GCNT2: variants seen among roughly 807,000 people sequenced by gnomAD.
GCNT2 encodes N-acetyllactosaminide beta-1,6-N-acetylglucosaminyl-transferase.
In GCNT2, 34 loss-of-function variants were observed where a neutral mutation model predicts 34.2. The observed-to-expected ratio is 1.00, with a 90% confidence interval of 0.76 to 1.32. The LOEUF (loss-of-function observed/expected upper bound fraction) is 1.32, where lower values mean the gene tolerates loss of function less well. Among genes scored for constraint, GCNT2 ranks in the 40% most tolerant of loss-of-function variants. The pLI, the probability that GCNT2 is intolerant of heterozygous loss-of-function variation, is 0.00. For missense variants in GCNT2, 584 were observed against 489.4 expected (o/e 1.19, Z -1.82); for synonymous variants, 212 against 188.0 (o/e 1.13, Z -1.04).
chr6:10,523,963 ACT>A (rs1419383857), intron 1 of GCNT2, among the ~76,000 whole-genome samples: 72 of 111,562 alleles, frequency 6.5e-4, no homozygotes, highest in Middle Eastern at 6.3e-3. Flanking sequence ...ACAGAGCGAG[ACT>A]CTGTCTCAAA....
chr6:10,557,051 G>A, intron 3 of GCNT2: 1 of 1,611,038 alleles, frequency 6.2e-7, no homozygotes, highest in Non-Finnish European at 8.5e-7. Flanking sequence ...AGGATTTAAA[G>A]GTAAAAATAT....
chr6:10,616,391 A>T (rs1013139581), intron 3 of GCNT2, among the ~76,000 whole-genome samples: 1 of 152,206 alleles, frequency 6.6e-6, no homozygotes, highest in Non-Finnish European at 1.5e-5. Flanking sequence ...CAACCTAAAC[A>T]GGGTACCGCT....
chr6:10,576,051 A>G (rs113308241), intron 3 of GCNT2, among the ~76,000 whole-genome samples: 70 of 152,288 alleles, frequency 4.6e-4, no homozygotes, highest in Non-Finnish European at 8.5e-4. Flanking sequence ...ACGGACGTGC[A>G]TGAAAACGGG....
At chr6:10,542,384 A>G (rs1049134279) in intron 3 of GCNT2, among the ~76,000 whole-genome samples, 2 of 150,552 alleles carry the variant, frequency 1.3e-5, no homozygotes, top group African/African-American at 5.0e-5. Context: ...TTTATGACAT[A>G]TAATTTACAT....
rs1397865024 is a variant in GCNT2 at position 10,604,878 on chromosome 6, AG to A, written c.926-16472del. ...TGTCTCAAAAAAAAGAAAAAGAAAAAGAAAGAAAAATGTATTATCTTTATAA... is the reference window on the plus strand; with the variant it reads ...TGTCTCAAAAAAAAGAAAAAGAAAAAAAAGAAAAATGTATTATCTTTATAA... On this transcript the variant is annotated intron_variant, in intron 3 of 4. Transcript: ENST00000495262. 3.8e-4 allele frequency among the ~76,000 whole-genome samples: 19 copies of A among 50,308 alleles called. No individual in the cohort carries two copies. In the East Asian group the frequency reaches 0.012, roughly 31 times the overall value. 33.0% of individuals were successfully genotyped at this position (50,308 alleles called of 152,430 possible). A position where few individuals can be genotyped will look rare whatever the true frequency, so the allele number is the denominator to read the frequency against.
rs150893543 is a variant in GCNT2 at position 10,526,519 on chromosome 6, A to G, written c.-468-955A>G. On this transcript the variant is annotated intron_variant, in intron 1 of 4. Coordinates refer to ENST00000495262, the MANE Select transcript of GCNT2 (RefSeq NM_145649.5). ...ACCAAGAAGCACTATGGAAAATGTTATTGTATAATAGTAAGTGCAGAATGC... is the reference window on the plus strand; with the variant it reads ...ACCAAGAAGCACTATGGAAAATGTTGTTGTATAATAGTAAGTGCAGAATGC... 2.6e-5 allele frequency among the ~76,000 whole-genome samples: 4 copies of G among 152,316 alleles called. No individual in the cohort carries two copies. The East Asian group carries it at 5.8e-4, about 22-fold the overall frequency.
intron 3 of GCNT2, among the ~76,000 whole-genome samples, chr6:10,598,239 A>G (rs993822211): frequency 4.6e-5 from 7 of 152,220 alleles, no homozygotes; most frequent in Non-Finnish European, 7.3e-5. Flanking sequence ...GTATCTTAAC[A>G]TGGGCTTCCG....
chr6:10,588,610 C>G (rs1764455742), intron 3 of GCNT2, among the ~76,000 whole-genome samples: 1 of 152,068 alleles, frequency 6.6e-6, no homozygotes, highest in Admixed American at 6.6e-5. Context: ...CCTGCAGAAT[C>G]CCGAAAAAGG....
chr6:10,564,642 T>G lies in GCNT2; in HGVS notation c.925+34806T>G, dbSNP rs551032586. On this transcript the variant is annotated intron_variant, in intron 3 of 4. Coordinates refer to ENST00000495262, the MANE Select transcript of GCNT2 (RefSeq NM_145649.5). ...GAATGTGAATCCCGGCTCTGTCACT[T>G]AGAAGTTGTGTGACCTCGGACAAAG... Among the ~76,000 whole-genome samples, 192 of 152,340 alleles carry G rather than the reference T, an allele frequency of 1.3e-3. 1 individual carries two copies. Among genetic ancestry groups the G allele is most frequent in the South Asian group, 6.6e-3 (32 of 4,832 alleles).
At chr6:10,538,982 G>T (rs1040549985) in intron 3 of GCNT2, among the ~76,000 whole-genome samples, 13 of 152,028 alleles carry the variant, frequency 8.6e-5, no homozygotes, top group African/African-American at 2.2e-4. Flanking sequence ...AAAAATAAGG[G>T]TTGGGCCCAG....
At chr6:10,587,552 A>T (rs1764411159) in intron 3 of GCNT2, among the ~76,000 whole-genome samples, 1 of 152,218 alleles carries the variant, frequency 6.6e-6, no homozygotes, top group Admixed American at 6.5e-5. Flanking sequence ...GCTACAGATG[A>T]TCCAAAGAGA....
At chr6:10,617,025 T>G (rs1274809725) in intron 3 of GCNT2, among the ~76,000 whole-genome samples, 2 of 152,206 alleles carry the variant, frequency 1.3e-5, no homozygotes, top group East Asian at 3.9e-4. Flanking sequence ...GGGCCGCAGG[T>G]GGAGCTGCCT....
chr6:10,569,821 A>ATTTC (rs1763459909), intron 3 of GCNT2, among the ~76,000 whole-genome samples: 1 of 112,332 alleles, frequency 8.9e-6, no homozygotes, highest in African/African-American at 3.3e-5. Flanking sequence ...GCTCATATGG[A>ATTTC]TTTCTTCCTT....
intron 3 of GCNT2, among the ~76,000 whole-genome samples, chr6:10,573,573 T>C (rs1763649743): frequency 6.6e-6 from 1 of 152,228 alleles, no homozygotes; most frequent in African/African-American, 2.4e-5. Context: ...ATAGGCTTTC[T>C]ACTACTGCCT....
intron 3 of GCNT2, among the ~76,000 whole-genome samples, chr6:10,596,663 T>C (rs1764866623): frequency 6.6e-6 from 1 of 152,026 alleles, no homozygotes; most frequent in South Asian, 2.1e-4. Context: ...CTGTTTCCTG[T>C]GTATCCCTCT....
chr6:10,579,843 A>AC (rs1246309018), intron 3 of GCNT2, among the ~76,000 whole-genome samples: 1 of 150,142 alleles, frequency 6.7e-6, no homozygotes, highest in Admixed American at 6.6e-5. Context: ...AAAAAAAAAA[A>AC]AAAAACAAGT....
At chr6:10,539,507 T>C in intron 3 of GCNT2, among the ~76,000 whole-genome samples, 1 of 152,104 alleles carries the variant, frequency 6.6e-6, no homozygotes, top group East Asian at 1.9e-4. Context: ...TCTTTAACTT[T>C]GGGCAAATGC....
intron 3 of GCNT2, among the ~76,000 whole-genome samples, chr6:10,594,580 G>A (rs563643812): frequency 1.3e-5 from 2 of 152,268 alleles, no homozygotes; most frequent in African/African-American, 4.8e-5. Flanking sequence ...AGGCTGTTTT[G>A]AGAATTAAAT....
At chr6:10,580,524 G>C (rs933324113) in intron 3 of GCNT2, among the ~76,000 whole-genome samples, 1 of 151,882 alleles carries the variant, frequency 6.6e-6, no homozygotes, top group African/African-American at 2.4e-5. Context: ...AGAGTTTGAG[G>C]TTGCCAGCCA....
Sources: gnomAD v4.1 joint callset for allele counts (sites outside exome capture counted in the v4.1 genomes callset) on GRCh38, gnomAD v4.1.1 for gene constraint, MANE v1.5 for transcripts, NCBI Gene and HGNC (gene_info 2026-07-23, HGNC 2026-07-21) for gene names.